The following ZNF365 variants were observed in gnomAD, a reference collection of about 807,000 sequenced individuals.
The protein encoded by ZNF365 is protein ZNF365.
A neutral mutation model predicts 35.0 loss-of-function variants in ZNF365; 22 were observed. The ratio of observed to expected loss-of-function variants is 0.63; its 90% CI spans 0.45 to 0.90. ZNF365 has a LOEUF of 0.90. ZNF365 is among the 40% of genes least tolerant of loss of function. ZNF365 has a pLI of 0.00. For missense variants in ZNF365, 448 were observed against 500.3 expected, an observed-to-expected ratio of 0.90 and a Z score of 1.00; for synonymous variants, 188 against 196.2, an observed-to-expected ratio of 0.96 and a Z score of 0.35.
chr10:62,438,193 GT>G (rs11357058), intron 3 of ZNF365, among the ~76,000 whole-genome samples: 12,930 of 142,478 alleles, frequency 0.091, 863 homozygotes, highest in African/African-American at 0.21. Flanking sequence ...TTTTGTTTTT[GT>G]TTTTTTTTTT....
At chr10:62,462,419 C>T (rs1241551459) in intron 4 of ZNF365, among the ~76,000 whole-genome samples, 1 of 152,170 alleles carries the variant, frequency 6.6e-6, no homozygotes, top group African/African-American at 2.4e-5. Context: ...ATAAGTGTAC[C>T]CCTCAGAAGG....
At chr10:62,475,608 C>T (rs942138903) in intron 4 of ZNF365, among the ~76,000 whole-genome samples, 1 of 152,146 alleles carries the variant, frequency 6.6e-6, no homozygotes, top group Non-Finnish European at 1.5e-5. Context: ...GGAGCTTGCA[C>T]TCTTTTCTCA....
intron 3 of ZNF365, among the ~76,000 whole-genome samples, chr10:62,422,934 AACTCAC>A (rs1205210349): frequency 2.0e-5 from 3 of 152,152 alleles, no homozygotes; most frequent in Non-Finnish European, 2.9e-5. Context: ...ACTTGTTCTC[AACTCAC>A]ACCTCTAGTC....
At chr10:62,460,245 C>T (rs1038503959) in intron 4 of ZNF365, among the ~76,000 whole-genome samples, 1 of 152,158 alleles carries the variant, frequency 6.6e-6, no homozygotes, top group African/African-American at 2.4e-5. Context: ...GAGTACTTGT[C>T]CAAGTCCCTG....
At chr10:62,418,509 C>G (rs1840115822) in intron 3 of ZNF365, among the ~76,000 whole-genome samples, 1 of 151,958 alleles carries the variant, frequency 6.6e-6, no homozygotes, top group Non-Finnish European at 1.5e-5. Context: ...GTGCCTGAGA[C>G]AGCATAAGGA....
intron 4 of ZNF365, among the ~76,000 whole-genome samples, chr10:62,478,557 C>G (rs1841169388): frequency 6.6e-6 from 1 of 152,166 alleles, no homozygotes; most frequent in African/African-American, 2.4e-5. Context: ...GGGGAAGAAG[C>G]AAGTGTCATT....
chr10:62,417,103 T>C (rs1267148459), intron 3 of ZNF365, among the ~76,000 whole-genome samples: 1 of 152,068 alleles, frequency 6.6e-6, no homozygotes, highest in Non-Finnish European at 1.5e-5. Flanking sequence ...TATACTTACT[T>C]TGTTTACCAA....
chr10:62,453,935 TAA>T (rs1311599145), intron 3 of ZNF365, among the ~76,000 whole-genome samples: 1 of 152,228 alleles, frequency 6.6e-6, no homozygotes, highest in East Asian at 1.9e-4. Flanking sequence ...CTGTGAAGGT[TAA>T]AAGAGTACGG....
At chr10:62,395,347 CT>C (rs776080763) in intron 3 of ZNF365, among the ~76,000 whole-genome samples, 317 of 138,172 alleles carry the variant, frequency 2.3e-3, no homozygotes, top group Middle Eastern at 3.7e-3. Flanking sequence ...CTCTGACACT[CT>C]TTTTTTTTTT....
In ZNF365 at chr10:62,383,974, A is replaced by G. The variant is rs147491662; in HGVS notation, c.744-4422A>G. Reference sequence around the variant, plus strand: ...TGACAGATTTCCAGATCTGGAAATCATTCTGCATAATAATGAGCTTCAAGG... The same window carrying G: ...TGACAGATTTCCAGATCTGGAAATCGTTCTGCATAATAATGAGCTTCAAGG... On this transcript the variant is annotated intron_variant, in intron 2 of 4. Transcript: ENST00000395254. Among the ~76,000 whole-genome samples the G allele has an allele frequency of 9.1e-3, 1,376 of 151,806 alleles. 24 individuals carry two copies. The highest frequency in any genetic ancestry group is 0.032 in the African/African-American group (1,316 of 41,378).
intron 3 of ZNF365, among the ~76,000 whole-genome samples, chr10:62,452,512 A>G (rs1218623429): frequency 2.6e-5 from 4 of 152,274 alleles, no homozygotes; most frequent in Non-Finnish European, 5.9e-5. Context: ...AGTACACAGC[A>G]GTCTCTTGGG....
intron 4 of ZNF365, among the ~76,000 whole-genome samples, chr10:62,460,147 T>TATCACTG (rs1487020551): frequency 6.6e-6 from 1 of 152,206 alleles, no homozygotes; most frequent in Admixed American, 6.5e-5. Flanking sequence ...GGTGATGGCA[T>TATCACTG]GGAGGCTGTA....
downstream of ZNF365, among the ~76,000 whole-genome samples, chr10:62,405,370 A>AG (rs935672895): frequency 2.0e-4 from 30 of 152,218 alleles, no homozygotes; most frequent in African/African-American, 7.0e-4. Context: ...TTGCAATGAG[A>AG]GGGGGGCTTA....
intron 3 of ZNF365, among the ~76,000 whole-genome samples, chr10:62,416,729 T>C (rs1840082514): frequency 6.6e-6 from 1 of 152,106 alleles, no homozygotes; most frequent in Non-Finnish European, 1.5e-5. Flanking sequence ...GTTTGTTTGT[T>C]TTTACATTTT....
chr10:62,471,344 C>A (rs561989877), intron 4 of ZNF365, among the ~76,000 whole-genome samples: 3 of 137,866 alleles, frequency 2.2e-5, no homozygotes, highest in East Asian at 2.1e-4. Flanking sequence ...CCAGCCTGGG[C>A]GACAGAGCAA....
downstream of ZNF365, among the ~76,000 whole-genome samples, chr10:62,403,530 C>T (rs372679490): frequency 5.2e-3 from 795 of 152,140 alleles, 5 homozygotes; most frequent in African/African-American, 0.018. Context: ...CAGTGGCGGG[C>T]GCCTGTAGTC....
intron 2 of ZNF365, among the ~76,000 whole-genome samples, chr10:62,387,994 C>T (rs1413606713): frequency 3.3e-5 from 5 of 152,214 alleles, no homozygotes; most frequent in Non-Finnish European, 7.3e-5. Flanking sequence ...GACCCATCTG[C>T]TGTCCCTGGT....
chr10:62,424,612 T>G (rs1015605783), intron 3 of ZNF365, among the ~76,000 whole-genome samples: 14 of 152,328 alleles, frequency 9.2e-5, no homozygotes, highest in African/African-American at 3.4e-4. Context: ...TGATTTGGAT[T>G]CCATTGATCA....
chr10:62,399,507 C>T, intron 4 of ZNF365, 21 bp from the exon 5 acceptor site: 2 of 1,608,794 alleles, frequency 1.2e-6, no homozygotes, highest in Non-Finnish European at 8.5e-7. Context: ...CTTCTCCACT[C>T]CCCCCTCCAA....
Sources: gnomAD v4.1 joint callset for allele counts (sites outside exome capture counted in the v4.1 genomes callset) on GRCh38, gnomAD v4.1.1 for gene constraint, MANE v1.5 for transcripts, NCBI Gene and HGNC (gene_info 2026-07-23, HGNC 2026-07-21) for gene names.